Variants in RHPN1 observed in about 807,000 individuals in gnomAD.
The protein encoded by RHPN1 is rhophilin Rho GTPase binding protein 1.
Under a neutral mutation model 74.7 loss-of-function variants are expected in RHPN1, and 77 were observed. The ratio of observed to expected loss-of-function variants is 1.03; its 90% CI spans 0.86 to 1.25. The LOEUF (loss-of-function observed/expected upper bound fraction) is 1.25. Among genes scored for constraint, RHPN1 ranks in the 50% most tolerant of loss-of-function variants. The pLI, the probability that RHPN1 is intolerant of heterozygous loss-of-function variation, is 0.00. For missense variants in RHPN1, 987 were observed against 932.2 expected (o/e 1.06, Z -0.77); for synonymous variants, 444 against 414.5 (o/e 1.07, Z -0.87).
intron 1 of RHPN1, among the ~76,000 whole-genome samples, chr8:143,374,805 C>G (rs1052494232): frequency 6.6e-6 from 1 of 152,216 alleles, no homozygotes; most frequent in Admixed American, 6.5e-5. Flanking sequence ...AGCTCCAGCA[C>G]GCTGGCACCA....
In RHPN1 at chr8:143,384,100, G is replaced by C. The variant is rs369015831; in HGVS notation, c.*1449G>C. On this transcript the variant is annotated 3_prime_UTR_variant, in exon 15 of 15. Transcript: ENST00000289013. ...GGCTCCCCAACCTGCCTGAGCCGGGGTGGGGGTCCAGGTCCCCCACTTGCC... is the reference window on the plus strand; with the variant it reads ...GGCTCCCCAACCTGCCTGAGCCGGGCTGGGGGTCCAGGTCCCCCACTTGCC... The C allele has an allele frequency of 6.6e-6, 1 of 152,196 alleles. No individual in the cohort carries two copies. The highest frequency in any genetic ancestry group is 2.4e-5 in the African/African-American group (1 of 41,450). 9.4% of individuals were successfully genotyped at this position (152,196 alleles called of 1,614,324 possible).
chr8:143,371,420 G>A (rs1817813257), intron 1 of RHPN1, among the ~76,000 whole-genome samples: 1 of 152,094 alleles, frequency 6.6e-6, no homozygotes, highest in Non-Finnish European at 1.5e-5. Flanking sequence ...GGAAAAAGCT[G>A]GTTTGCTCCA....
At chr8:143,379,145 G>C (rs1030281398) in intron 7 of RHPN1, 67 bp downstream of exon 7, 38 of 1,433,532 alleles carry the variant, frequency 2.7e-5, no homozygotes, top group Non-Finnish European at 3.1e-5. Context: ...CCCTTTTGCA[G>C]GGCAGGAGCT....
chr8:143,379,434 G>T lies in RHPN1; in HGVS notation c.871G>T (p.Gly291Cys), dbSNP rs764163492. 10 of 1,578,452 alleles carry T rather than the reference G, an allele frequency of 6.3e-6. No individual in the cohort carries two copies. In the African/African-American group the frequency reaches 1.2e-4, roughly 19 times the overall value. Reference protein sequence around the residue: ...MAQAQECVFEGLSPPASMAPQ... With the variant: ...MAQAQECVFECLSPPASMAPQ... Reference sequence around the variant, plus strand: ...CCAGGCCCAGGAATGTGTGTTTGAGGGCCTCTCACCACCTGCCTCCATGGC... The same window carrying T: ...CCAGGCCCAGGAATGTGTGTTTGAGTGCCTCTCACCACCTGCCTCCATGGC... Residue 291 changes from glycine (G) to cysteine (C), a missense_variant, in exon 8 of 15, where the codon GGC becomes TGC. Transcript: ENST00000289013.
upstream of RHPN1, among the ~76,000 whole-genome samples, chr8:143,364,826 G>T (rs1817540239): frequency 1.3e-5 from 2 of 152,124 alleles, no homozygotes; most frequent in Admixed American, 1.3e-4. The surrounding 1 kb of genome is among the most constrained non-coding windows in gnomAD (Gnocchi z 4.5). Flanking sequence ...ACGTTCTGTT[G>T]ATTCTGCCCC....
rs752686021 is a variant in RHPN1, at chr8:143,381,869, G to C, written c.1698G>C (p.Trp566Cys). The C allele has an allele frequency of 6.2e-7, 1 of 1,612,982 alleles. No individual in the cohort carries two copies. Among genetic ancestry groups the C allele is most frequent in the Admixed American group, 1.7e-5 (1 of 59,998 alleles). The change falls in exon 14 of 15, where the codon TGG (tryptophan) becomes TGC (cysteine). Residue 566 changes from tryptophan to cysteine, a missense_variant. Transcript: ENST00000289013. ...VSVNGQPCRW[W>C]RHAEVVTELK... ...TGAATGGGCAGCCATGCAGGTGGTG[G>C]AGACACGCGGAGGTGGTGACGGAGC...
chr8:143,376,417 G>C (rs779047608), intron 2 of RHPN1, 108 bp from the exon 3 acceptor site: 2 of 1,499,840 alleles, frequency 1.3e-6, no homozygotes, highest in African/African-American at 1.4e-5. Context: ...GTCCTCTGCA[G>C]GGTGGGCTTG....
intron 1 of RHPN1, among the ~76,000 whole-genome samples, chr8:143,371,146 G>A (rs2467898): frequency 0.11 from 17,251 of 152,190 alleles, 3,235 homozygotes; most frequent in African/African-American, 0.39. Context: ...AGTCCCTGCC[G>A]TGAGTGGCCA....
upstream of RHPN1, among the ~76,000 whole-genome samples, chr8:143,364,771 C>T (rs1197249200): frequency 2.6e-5 from 4 of 152,162 alleles, no homozygotes; most frequent in Non-Finnish European, 5.9e-5. This position sits in a 1 kb window ranked among gnomAD's most constrained non-coding sequence, Gnocchi z 4.5. Flanking sequence ...ATGGCTTTCT[C>T]ACGAACATAA....
chr8:143,369,156 C>T (rs749574037), intron 1 of RHPN1, 109 bp downstream of exon 1: 97 of 808,268 alleles, frequency 1.2e-4, no homozygotes, highest in Non-Finnish European at 1.7e-4. Context: ...TCATTCGGCC[C>T]GGACGCAGGC....
At chr8:143,368,347 G>A (rs1245623756), upstream of RHPN1, 1 of 153,434 alleles carries the variant, frequency 6.5e-6, no homozygotes, top group East Asian at 1.9e-4. Flanking sequence ...AGCAGGCATT[G>A]TCGGAGGACT....
upstream of RHPN1, among the ~76,000 whole-genome samples, chr8:143,365,026 C>T (rs950130003): frequency 5.9e-5 from 9 of 151,952 alleles, no homozygotes; most frequent in African/African-American, 1.7e-4. Flanking sequence ...GGTTTGTGCA[C>T]CTCTAAATAC....
intron 3 of RHPN1, 129 bp from the exon 4 acceptor site, chr8:143,377,251 C>A: frequency 1.5e-6 from 1 of 670,262 alleles, no homozygotes; most frequent in Non-Finnish European, 2.6e-6. Flanking sequence ...CCCCCCAGGA[C>A]ACAGGCGCAC....
chr8:143,382,383 G>T (rs935647102), intron 14 of RHPN1, 53 bp from the exon 15 acceptor site: 8 of 1,486,762 alleles, frequency 5.4e-6, no homozygotes, highest in Middle Eastern at 2.3e-4. Flanking sequence ...CTGGCTGCAG[G>T]TGGGGACAGG....
In RHPN1 at chr8:143,369,044, G is replaced by A; in HGVS notation, c.57G>A (p.Leu19=). 1 of 1,493,280 alleles carries A rather than the reference G, an allele frequency of 6.7e-7. No individual in the cohort carries two copies. Among genetic ancestry groups the A allele is most frequent in the South Asian group, 1.3e-5 (1 of 79,876 alleles). 92.5% of individuals were successfully genotyped at this position (1,493,280 alleles called of 1,614,324 possible). ...GCGCCGGCGAGGAGAGCCCGCGGCT[G>A]CAGGTGCGCAGAACTGGCGCGGCGG... ...GAGAGEESPR[L]QGCDSLTQIQ... Residue 19 remains leucine (L), a synonymous_variant, in exon 1 of 15, where the codon CTG becomes CTA. Transcript: ENST00000289013.
intron 1 of RHPN1, among the ~76,000 whole-genome samples, 189 bp from the exon 2 acceptor site, chr8:143,375,364 C>T (rs867960871): frequency 6.6e-5 from 10 of 152,354 alleles, no homozygotes; most frequent in Middle Eastern, 3.4e-3. Flanking sequence ...GCCTCCTGTC[C>T]TGCTCTGGCC....
rs1212526434 is a variant in RHPN1 at position 143,369,121 on chromosome 8, G to A, written c.60+74G>A. 8 of 1,212,172 alleles carry A rather than the reference G, an allele frequency of 6.6e-6. No individual in the cohort carries two copies. The Admixed American group carries it at 1.7e-4, about 25-fold the overall frequency. 75.1% of individuals were successfully genotyped at this position (1,212,172 alleles called of 1,614,324 possible). On this transcript the variant is annotated intron_variant, in intron 1 of 14. Coordinates refer to ENST00000289013, the MANE Select transcript of RHPN1 (RefSeq NM_052924.3). ...CTTTTCCTGCCCCCCCTCGAGGCGC[G>A]TTCCGGGCGCCCCCCTCCTACGTCT...
In RHPN1 at chr8:143,378,356, T is replaced by TCGGGGGGGGGGGGCC; in HGVS notation, c.459+11_459+12insGGGGGGGGGGGGCCC. 2 of 1,525,434 alleles carry TCGGGGGGGGGGGGCC rather than the reference T, an allele frequency of 1.3e-6. No individual in the cohort carries two copies. The highest frequency in any genetic ancestry group is 1.8e-6 in the Non-Finnish European group (2 of 1,136,344). The allele number at this position is 1,525,434 out of a possible 1,614,324, so 94.5% of individuals were successfully genotyped here. On this transcript the variant is annotated intron_variant, in intron 5 of 14. Transcript: ENST00000289013. ...GGAGGCCCTGCGGCAGGTGTGTGGT[T>TCGGGGGGGGGGGGCC]CCCCCGCCCACCCACCCTCCTGCAG...
At chr8:143,370,062 A>G (rs2450765) in intron 1 of RHPN1, among the ~76,000 whole-genome samples, 134,758 of 152,274 alleles carry the variant, frequency 0.88, 59,725 homozygotes, top group African/African-American at 0.94. Flanking sequence ...CCTGCCCCCT[A>G]TGAACTTGCT....
Sources: gnomAD v4.1 joint callset for allele counts (sites outside exome capture counted in the v4.1 genomes callset) on GRCh38, gnomAD v4.1.1 for gene constraint, Gnocchi (gnomAD v3.1) non-coding constraint, MANE v1.5 for transcripts, NCBI Gene and HGNC (gene_info 2026-07-23, HGNC 2026-07-21) for gene names.